The following CCDC88B variants were observed in gnomAD, a reference collection of about 807,000 sequenced individuals.
The protein encoded by CCDC88B is coiled-coil and HOOK domain protein 88B, also known as coiled-coil domain-containing protein 88B.
In CCDC88B, 138 loss-of-function variants were observed where a neutral mutation model predicts 183.7. The ratio of observed to expected loss-of-function variants is 0.75; its 90% CI spans 0.65 to 0.87. CCDC88B has a LOEUF of 0.87. CCDC88B is among the 40% of genes least tolerant of loss of function. The pLI is 0.00. For missense variants in CCDC88B, 1,822 were observed against 1,965.6 expected, an observed-to-expected ratio of 0.93 and a Z score of 1.38; for synonymous variants, 835 against 867.5, an observed-to-expected ratio of 0.96 and a Z score of 0.66.
At chr11:64,354,308 C>G in intron 24 of CCDC88B, 138 bp downstream of exon 24, 2 of 641,922 alleles carry the variant, frequency 3.1e-6, no homozygotes, top group Non-Finnish European at 4.5e-6. Flanking sequence ...TGCCCTGATG[C>G]CACCAGGGGC....
chr11:64,343,854 G>C lies in CCDC88B; in HGVS notation c.1395G>C (p.Glu465Asp), dbSNP rs1161032788. 1 of 1,604,322 alleles carries C rather than the reference G, an allele frequency of 6.2e-7. No individual in the cohort carries two copies. The highest frequency in any genetic ancestry group is 8.5e-7 in the Non-Finnish European group (1 of 1,175,892). ...AGGCTGGGCGGCTTCGGACCCTTGA[G>C]AGGGAGAACCGGGAGCTTCGGGGGC... Reference protein sequence around the residue: ...EAEAGRLRTLERENRELRGLL... With the variant: ...EAEAGRLRTLDRENRELRGLL... The change falls in exon 13 of 27, where the codon GAG becomes GAC. Residue 465 changes from glutamate to aspartate, a missense_variant. Glu to Asp is a conservative substitution (Grantham distance 45). Transcript: ENST00000356786.
At chr11:64,345,302 C>A in intron 14 of CCDC88B, 145 bp downstream of exon 14, 1 of 979,170 alleles carries the variant, frequency 1.0e-6, no homozygotes, top group Non-Finnish European at 1.5e-6. Flanking sequence ...CCCCTGCCTT[C>A]CAAAGGTGTG....
chr11:64,349,138 C>A, intron 14 of CCDC88B, 193 bp from the exon 15 acceptor site: 2 of 748,638 alleles, frequency 2.7e-6, no homozygotes, highest in Non-Finnish European at 4.7e-6. Context: ...CAACACCCAG[C>A]TCTTTCATGC....
intron 14 of CCDC88B, 86 bp downstream of exon 14, chr11:64,345,243 G>A (rs954989271): frequency 3.5e-6 from 5 of 1,426,708 alleles, no homozygotes; most frequent in Admixed American, 4.1e-5. Context: ...CAGCTGTTCA[G>A]TGGGTGCCCA....
In CCDC88B at chr11:64,344,898, A is replaced by G. The variant is rs770259195; in HGVS notation, c.2357A>G (p.Gln786Arg). 1.1e-5 allele frequency: 17 copies of G among 1,588,724 alleles called. No individual in the cohort carries two copies. The African/African-American group carries it at 2.3e-4, about 21-fold the overall frequency. ...EAEAHREAEA[Q>R]AWEQARLREA... ...GAGGCCCACCGGGAGGCAGAGGCCCAGGCCTGGGAGCAAGCCCGGCTGCGG... is the reference window on the plus strand; with the variant it reads ...GAGGCCCACCGGGAGGCAGAGGCCCGGGCCTGGGAGCAAGCCCGGCTGCGG... The change falls in exon 14 of 27, where the codon CAG becomes CGG. Residue 786 changes from glutamine to arginine, a missense_variant. Gln to Arg is a conservative substitution (Grantham distance 43). Transcript: ENST00000356786. The surrounding 1 kb of genome is among the most constrained non-coding windows in gnomAD (Gnocchi z 4.5).
At position 64,354,123 on chromosome 11, in the gene CCDC88B, G is replaced by C. The variant is rs1482816727; in HGVS notation, c.4052G>C (p.Gly1351Ala). 4.4e-6 allele frequency: 6 copies of C among 1,374,428 alleles called. No individual in the cohort carries two copies. Among genetic ancestry groups the C allele is most frequent in the East Asian group, 2.6e-5 (1 of 38,206 alleles). The allele number at this position is 1,374,428 out of a possible 1,614,324, so 85.1% of individuals were successfully genotyped here. A position where few individuals can be genotyped will look rare whatever the true frequency, so the allele number is the denominator to read the frequency against. The change falls in exon 24 of 27, where the codon GGC becomes GCC. Residue 1351 changes from glycine (G) to alanine (A), a missense_variant. Coordinates refer to ENST00000356786, the MANE Select transcript of CCDC88B (RefSeq NM_032251.6). ...GCTGGCAGCACCGAGAGCCTGGGGG[G>C]CCCCCCGGAGACGGAGCTTCCTGAG... ...DGAGSTESLGGPPETELPEGR... is the reference protein window; with the variant it reads ...DGAGSTESLGAPPETELPEGR...
rs1331380507 is a variant in CCDC88B at position 64,342,528 on chromosome 11, G to A, written c.910G>A (p.Ala304Thr). 4 of 1,528,780 alleles carry A rather than the reference G, an allele frequency of 2.6e-6. No individual in the cohort carries two copies. The highest frequency in any genetic ancestry group is 3.5e-6 in the Non-Finnish European group (4 of 1,142,834). 94.7% of individuals were successfully genotyped at this position (1,528,780 alleles called of 1,614,324 possible). Residue 304 changes from alanine to threonine, a missense_variant, in exon 10 of 27, where the codon GCG (alanine) becomes ACG (threonine). By Grantham distance (58) the Ala-to-Thr change is moderately conservative. Transcript: ENST00000356786. ...EIRRLRQEAQALSGQAKRAEL... is the reference protein window; with the variant it reads ...EIRRLRQEAQTLSGQAKRAEL... ...TCCACACCGTCTGGCCCAGGCCCAG[G>A]CGCTGTCGGGACAGGCCAAGCGGGC... is the stretch of plus-strand genomic sequence containing the variant.
Position 64,342,008 on chromosome 11 carries a change from G to T in CCDC88B, c.690G>T (p.Leu230=). Reference sequence around the variant, plus strand: ...CTGACCTACAGCGGCTGGCTGAACTGCTGCTGGAGCGAGAACCCCTCTGCT... The same window carrying T: ...CTGACCTACAGCGGCTGGCTGAACTTCTGCTGGAGCGAGAACCCCTCTGCT... ...RDLGAQRLAE[L]LLEREPLCLR... The change falls in exon 8 of 27, where the codon CTG becomes CTT. Residue 230 remains leucine, a synonymous_variant. Transcript: ENST00000356786. 1 of 1,612,510 alleles carries T rather than the reference G, an allele frequency of 6.2e-7. No individual in the cohort carries two copies. The highest frequency in any genetic ancestry group is 1.1e-5 in the South Asian group (1 of 91,062).
intron 25 of CCDC88B, 45 bp downstream of exon 25, chr11:64,355,445 G>A (rs753273581): frequency 6.3e-7 from 1 of 1,583,596 alleles, no homozygotes; most frequent in Admixed American, 1.8e-5. Context: ...CCAACTCTTT[G>A]TGGACCCACC....
Position 64,343,514 on chromosome 11 carries a change from ACT to A in CCDC88B, c.1222_1223del (p.Leu408AlafsTer9), listed in dbSNP as rs764447359. ...CCCTTCCCTCACCCCCAGGAGCTGG[ACT>A]CTCTGCGGCATCAGGTGGACCAGCT... is the stretch of plus-strand genomic sequence containing the variant. On this transcript the variant is annotated frameshift_variant, in exon 12 of 27. Coordinates refer to ENST00000356786, the MANE Select transcript of CCDC88B (RefSeq NM_032251.6). LOFTEE classifies it high-confidence loss of function. 22 of 1,551,428 alleles carry A rather than the reference ACT, an allele frequency of 1.4e-5. No individual in the cohort carries two copies. The African/African-American group carries it at 1.9e-4, about 14-fold the overall frequency.
At position 64,349,350 on chromosome 11, in the gene CCDC88B, T is replaced by C. The variant is rs1443297223; in HGVS notation, c.2636T>C (p.Val879Ala). ...ALQAELEKAV[V>A]RGKELGDRLE... ...CCTCAGGAGCTGGAGAAAGCTGTGGTGCGGGGCAAGGAGTTGGGGGACCGG... is the reference window on the plus strand; with the variant it reads ...CCTCAGGAGCTGGAGAAAGCTGTGGCGCGGGGCAAGGAGTTGGGGGACCGG... The change falls in exon 15 of 27, where the codon GTG (valine) becomes GCG (alanine). Residue 879 changes from valine (V) to alanine (A), a missense_variant. Coordinates refer to ENST00000356786, the MANE Select transcript of CCDC88B (RefSeq NM_032251.6). The C allele has an allele frequency of 2.0e-5, 33 of 1,611,188 alleles. No homozygotes were observed. The highest frequency in any genetic ancestry group is 2.8e-5 in the Non-Finnish European group (33 of 1,179,214).
intron 14 of CCDC88B, among the ~76,000 whole-genome samples, 155 bp downstream of exon 14, chr11:64,345,312 G>A (rs2036066463): frequency 6.6e-6 from 1 of 152,166 alleles, no homozygotes. Flanking sequence ...CCAAAGGTGT[G>A]CCTGGCCTGG....
rs1196375549 is a variant in CCDC88B at position 64,342,623 on chromosome 11, G to T, written c.1005G>T (p.Glu335Asp). The change falls in exon 10 of 27, where the codon GAG becomes GAT. Residue 335 changes from glutamate (E) to aspartate (D), a missense_variant. By Grantham distance (45) the Glu-to-Asp change is conservative (BLOSUM62 2). Coordinates refer to ENST00000356786, the MANE Select transcript of CCDC88B (RefSeq NM_032251.6). ...GCCGCCTGCCCCGCCTGCAGGAGGAGCTGAGGCGCTGCCGCGAGCGGCTGC... is the reference window on the plus strand; with the variant it reads ...GCCGCCTGCCCCGCCTGCAGGAGGATCTGAGGCGCTGCCGCGAGCGGCTGC... Reference protein sequence around the residue: ...RAGRLPRLQEELRRCRERLQA... With the variant: ...RAGRLPRLQEDLRRCRERLQA... 6.5e-7 allele frequency: 1 copy of T among 1,528,542 alleles called. No homozygotes were observed. The highest frequency in any genetic ancestry group is 1.2e-5 in the South Asian group (1 of 83,584). 94.7% of individuals were successfully genotyped at this position (1,528,542 alleles called of 1,614,324 possible).
At chr11:64,349,983 G>T in intron 16 of CCDC88B, 1 of 410,408 alleles carries the variant, frequency 2.4e-6, no homozygotes, top group Non-Finnish European at 4.5e-6. Flanking sequence ...AGCCAGCGAT[G>T]GTTTCTGATA....
At chr11:64,341,831 G>T (rs1371057026) in intron 7 of CCDC88B, 89 bp downstream of exon 7, 36 of 1,444,530 alleles carry the variant, frequency 2.5e-5, no homozygotes, top group Non-Finnish European at 3.2e-5. Context: ...GAAGTTTGGG[G>T]CCCAGGCATG....
At chr11:64,352,449 C>G in intron 19 of CCDC88B, 63 bp downstream of exon 19, 1 of 1,472,492 alleles carries the variant, frequency 6.8e-7, no homozygotes, top group Non-Finnish European at 9.0e-7. Flanking sequence ...GAAGACTCCC[C>G]TCAGCAGGTC....
In CCDC88B at chr11:64,354,053, C is replaced by T. The variant is rs758603220; in HGVS notation, c.3982C>T (p.Arg1328Trp). ...GGTGAAGAGGCTGATGCGGCCCCGGCGGGAGGGGGGCCCCCCTGGGGGGCT... is the reference window on the plus strand; with the variant it reads ...GGTGAAGAGGCTGATGCGGCCCCGGTGGGAGGGGGGCCCCCCTGGGGGGCT... ...DKVKRLMRPR[R>W]EGGPPGGLRL... Residue 1328 changes from arginine (R) to tryptophan (W), a missense_variant, in exon 24 of 27, where the codon CGG becomes TGG. By Grantham distance (101) the Arg-to-Trp change is moderately radical. Coordinates refer to ENST00000356786, the MANE Select transcript of CCDC88B (RefSeq NM_032251.6). 1.5e-5 allele frequency: 22 copies of T among 1,438,246 alleles called. No individual in the cohort carries two copies. Among genetic ancestry groups the T allele is most frequent in the Middle Eastern group, 1.9e-4 (1 of 5,172 alleles). The allele number at this position is 1,438,246 out of a possible 1,614,324, so 89.1% of individuals were successfully genotyped here.
At chr11:64,349,872 C>T in intron 16 of CCDC88B, 1 of 602,660 alleles carries the variant, frequency 1.7e-6, no homozygotes, top group Non-Finnish European at 3.0e-6. Context: ...CTCATTTTCC[C>T]CATTCTGCAC....
Position 64,343,796 on chromosome 11 carries a change from C to T in CCDC88B, c.1337C>T (p.Ala446Val). ...SPGEAPLAGAAPSLQDEVREA... is the reference protein window; with the variant it reads ...SPGEAPLAGAVPSLQDEVREA... The stretch of plus-strand genomic sequence containing the variant: ...TCCTCAGCACCCCTAGCAGGAGCGG[C>T]CCCCTCGCTGCAAGATGAGGTGAGG... The change falls in exon 13 of 27, where the codon GCC becomes GTC. Residue 446 changes from alanine to valine, a missense_variant. Transcript: ENST00000356786. 7 of 1,579,974 alleles carry T rather than the reference C, an allele frequency of 4.4e-6. No individual in the cohort carries two copies. Among genetic ancestry groups the T allele is most frequent in the Non-Finnish European group, 6.0e-6 (7 of 1,162,870 alleles).
Sources: gnomAD v4.1 joint callset for allele counts (sites outside exome capture counted in the v4.1 genomes callset) on GRCh38, gnomAD v4.1.1 for gene constraint, Gnocchi (gnomAD v3.1) non-coding constraint, MANE v1.5 for transcripts, NCBI Gene and HGNC (gene_info 2026-07-23, HGNC 2026-07-21) for gene names.